The following RARB variants were observed in gnomAD, a reference collection of about 807,000 sequenced individuals.
The protein encoded by RARB is HBV-activated protein.
In RARB, 17 loss-of-function variants were observed where a neutral mutation model predicts 51.9. That is an observed-to-expected ratio of 0.33 (90% CI 0.22 to 0.49). The LOEUF (loss-of-function observed/expected upper bound fraction) is 0.49, where lower values mean the gene tolerates loss of function less well. Ranked by LOEUF, RARB falls within the 20% of genes least tolerant of loss-of-function variation. The probability of loss-of-function intolerance (pLI) is 0.99; values close to 1 mark genes in which losing one functional copy is unlikely to be tolerated. For missense variants in RARB, 369 were observed against 550.8 expected, an observed-to-expected ratio of 0.67 and a Z score of 3.30; for synonymous variants, 215 against 195.4, an observed-to-expected ratio of 1.10 and a Z score of -0.84.
At chr3:25,460,483 T>C (rs1030769549) in intron 1 of RARB, among the ~76,000 whole-genome samples, 1 of 148,006 alleles carries the variant, frequency 6.8e-6, no homozygotes, top group Admixed American at 6.7e-5. Flanking sequence ...AGTCTTGCTC[T>C]GTTGCCCAGG....
intron 5 of RARB, among the ~76,000 whole-genome samples, chr3:25,365,341 G>T (rs944984423): frequency 4.4e-4 from 66 of 151,150 alleles, no homozygotes; most frequent in African/African-American, 1.6e-3. Context: ...CAAATTCCTG[G>T]GCTAAAGTGA....
chr3:25,288,979 G>T (rs1185157616), intron 5 of RARB, among the ~76,000 whole-genome samples: 1 of 152,064 alleles, frequency 6.6e-6, no homozygotes, highest in African/African-American at 2.4e-5. Flanking sequence ...TTAATTTCTG[G>T]AACAGTACTC....
intron 2 of RARB, among the ~76,000 whole-genome samples, chr3:24,870,679 A>G (rs953024770): frequency 2.0e-5 from 3 of 152,086 alleles, no homozygotes; most frequent in African/African-American, 7.2e-5. Context: ...TTTGCCCTGC[A>G]TGTATGTGTT....
chr3:25,122,675 G>A (rs1242661436), intron 3 of RARB, among the ~76,000 whole-genome samples: 2 of 152,098 alleles, frequency 1.3e-5, no homozygotes, highest in Admixed American at 1.3e-4. Flanking sequence ...TGGTTAAATG[G>A]TCTTAAGTCA....
intron 4 of RARB, among the ~76,000 whole-genome samples, chr3:25,158,761 C>T (rs1012451302): frequency 2.0e-5 from 3 of 152,200 alleles, no homozygotes; most frequent in African/African-American, 7.2e-5. Context: ...TCACTAATGT[C>T]ATCATCCAGT....
chr3:25,217,573 G>C (rs1435281005), intron 5 of RARB, among the ~76,000 whole-genome samples: 1 of 151,944 alleles, frequency 6.6e-6, no homozygotes, highest in Non-Finnish European at 1.5e-5. Flanking sequence ...TTCGGGATTT[G>C]GAGTCACTGC....
chr3:25,189,053 G>A (rs1278552556), intron 5 of RARB, among the ~76,000 whole-genome samples: 1 of 152,136 alleles, frequency 6.6e-6, no homozygotes, highest in Non-Finnish European at 1.5e-5. Flanking sequence ...TTCATAAAAT[G>A]AAGTCATCCA....
chr3:25,077,712 G>GTGTGTGTA (rs1186591152), intron 3 of RARB, among the ~76,000 whole-genome samples: 6 of 152,098 alleles, frequency 3.9e-5, no homozygotes, highest in African/African-American at 1.4e-4. Context: ...CACAGAGTGT[G>GTGTGTGTA]TGTGTGTATG....
chr3:24,857,250 G>C (rs1278011318), intron 1 of RARB, among the ~76,000 whole-genome samples: 1 of 152,110 alleles, frequency 6.6e-6, no homozygotes, highest in African/African-American at 2.4e-5. Flanking sequence ...CCTCAGATGG[G>C]AGAACTGAGA....
intron 2 of RARB, among the ~76,000 whole-genome samples, chr3:24,922,818 ATC>A (rs1695246746): frequency 6.6e-6 from 1 of 152,152 alleles, no homozygotes; most frequent in African/African-American, 2.4e-5. Context: ...TCTGCCAAAC[ATC>A]TCTCTCTGAA....
intron 2 of RARB, among the ~76,000 whole-genome samples, chr3:24,970,781 T>C (rs35332564): frequency 0.21 from 32,126 of 151,928 alleles, 3,959 homozygotes; most frequent in East Asian, 0.38. Flanking sequence ...CATAAACTTA[T>C]ATTTCTGACT....
At chr3:25,357,593 A>G (rs1345661859) in intron 5 of RARB, among the ~76,000 whole-genome samples, 1 of 152,168 alleles carries the variant, frequency 6.6e-6, no homozygotes, top group Non-Finnish European at 1.5e-5. Flanking sequence ...GCCCATGCCT[A>G]TGTCCTGAAT....
chr3:25,131,201 A>G (rs949950263), intron 3 of RARB, among the ~76,000 whole-genome samples: 21 of 152,052 alleles, frequency 1.4e-4, no homozygotes, highest in African/African-American at 4.8e-4. Context: ...CCTACGGAAT[A>G]AGCCAAGTTT....
chr3:25,450,322 AT>A (rs1353329288), intron 1 of RARB, among the ~76,000 whole-genome samples: 1 of 152,190 alleles, frequency 6.6e-6, no homozygotes, highest in Non-Finnish European at 1.5e-5. Context: ...AGCATTAGCT[AT>A]TATTTTTACA....
chr3:24,898,662 C>T (rs1703530228), intron 2 of RARB, among the ~76,000 whole-genome samples: 1 of 152,152 alleles, frequency 6.6e-6, no homozygotes, highest in South Asian at 2.1e-4. Flanking sequence ...AATTGTAGTA[C>T]ATAGATTTCT....
At chr3:25,529,227 CATGTG>C (rs1319285711) in intron 3 of RARB, among the ~76,000 whole-genome samples, 1 of 151,850 alleles carries the variant, frequency 6.6e-6, no homozygotes, top group Non-Finnish European at 1.5e-5. Context: ...TGTATGTGTA[CATGTG>C]ATGTGTGTAT....
chr3:25,055,645 G>T (rs1028917704), intron 2 of RARB, among the ~76,000 whole-genome samples: 7 of 152,066 alleles, frequency 4.6e-5, no homozygotes, highest in African/African-American at 1.7e-4. Context: ...TTATTAGGAG[G>T]AATTGGGGAG....
intron 2 of RARB, among the ~76,000 whole-genome samples, chr3:24,955,441 T>A (rs1250508990): frequency 6.6e-6 from 1 of 152,174 alleles, no homozygotes; most frequent in Non-Finnish European, 1.5e-5. Context: ...TTTAGGGCTG[T>A]GGTTTCCAGG....
intron 3 of RARB, among the ~76,000 whole-genome samples, chr3:25,521,181 C>A (rs564831896): frequency 6.6e-6 from 1 of 152,358 alleles, no homozygotes; most frequent in Admixed American, 6.5e-5. Context: ...TCACCCAAGA[C>A]TTCCTATCTA....
Sources: allele counts gnomAD v4.1 joint callset (sites outside exome capture counted in the v4.1 genomes callset), GRCh38; gene constraint gnomAD v4.1.1; transcripts MANE v1.5; gene names NCBI Gene and HGNC (gene_info 2026-07-23, HGNC 2026-07-21).